GALNT13: variants seen among roughly 807,000 people sequenced by gnomAD.
GALNT13 encodes the protein UDP-GalNAc:polypeptide N-acetylgalactosaminyltransferase 13.
In GALNT13, 28 loss-of-function variants were observed where a neutral mutation model predicts 64.2. The ratio of observed to expected loss-of-function variants is 0.44; its 90% confidence interval spans 0.32 to 0.60. GALNT13 has a LOEUF of 0.60. Among genes scored for constraint, GALNT13 ranks in the 20% least tolerant of loss-of-function variants. The pLI is 0.05. For synonymous variants in GALNT13, 214 were observed against 224.6 expected, an observed-to-expected ratio of 0.95 and a Z score of 0.42; for missense variants, 577 against 669.8, an observed-to-expected ratio of 0.86 and a Z score of 1.53.
chr2:153,944,683 A>G (rs72865049), intron 3 of GALNT13, 44 bp downstream of exon 3: 122,329 of 1,516,744 alleles, frequency 0.081, 5,349 homozygotes, highest in Middle Eastern at 0.12. Context: ...GAGATGAGAA[A>G]AGTGGTGCCT....
At chr2:153,719,928 G>A in the GALNT13 span, among the ~76,000 whole-genome samples, 4 of 152,130 alleles carry the variant, frequency 2.6e-5, no homozygotes, top group African/African-American at 4.8e-5. Context: ...AAACAAAGCA[G>A]CCGGGAAGCT....
At chr2:154,292,700 T>A (rs1375920150) in intron 8 of GALNT13, among the ~76,000 whole-genome samples, 1 of 152,214 alleles carries the variant, frequency 6.6e-6, no homozygotes, top group Non-Finnish European at 1.5e-5. Context: ...TCAATAAGAC[T>A]ATATTAAAGG....
the GALNT13 span, among the ~76,000 whole-genome samples, chr2:153,815,176 A>G: frequency 6.6e-6 from 1 of 152,296 alleles, no homozygotes; most frequent in Admixed American, 6.5e-5. Flanking sequence ...TGGCTGATAT[A>G]TATCTTAAAG....
the GALNT13 span, among the ~76,000 whole-genome samples, chr2:153,722,557 C>T: frequency 6.7e-6 from 1 of 149,080 alleles, no homozygotes; most frequent in African/African-American, 2.5e-5. Flanking sequence ...TGATAGACCG[C>T]TAACAAGACT....
the GALNT13 span, among the ~76,000 whole-genome samples, chr2:153,693,241 C>T: frequency 1.3e-5 from 2 of 152,224 alleles, no homozygotes; most frequent in African/African-American, 2.4e-5. Flanking sequence ...TTGCAAGCCC[C>T]AATGGTAGAA....
chr2:153,764,277 C>G, the GALNT13 span, among the ~76,000 whole-genome samples: 1 of 152,170 alleles, frequency 6.6e-6, no homozygotes. Flanking sequence ...TGGCTCACAC[C>G]TGTAATCCCA....
At chr2:153,331,280 T>A in the GALNT13 span, among the ~76,000 whole-genome samples, 1 of 151,886 alleles carries the variant, frequency 6.6e-6, no homozygotes, top group East Asian at 1.9e-4. Context: ...AGTAATGCTC[T>A]AATAATTCTA....
intron 1 of GALNT13, among the ~76,000 whole-genome samples, chr2:153,893,989 T>C (rs940315783): frequency 3.3e-5 from 5 of 152,070 alleles, no homozygotes; most frequent in Non-Finnish European, 5.9e-5. Context: ...GTGTGTTTAC[T>C]GGGAATGGAG....
intron 11 of GALNT13, among the ~76,000 whole-genome samples, chr2:154,424,786 C>T (rs989501775): frequency 6.6e-6 from 1 of 152,156 alleles, no homozygotes; most frequent in African/African-American, 2.4e-5. Flanking sequence ...TCCCTACCAC[C>T]ATACTTGTCT....
At chr2:154,050,650 CAT>C (rs1357579355) in intron 3 of GALNT13, among the ~76,000 whole-genome samples, 1 of 152,026 alleles carries the variant, frequency 6.6e-6, no homozygotes, top group Non-Finnish European at 1.5e-5. Context: ...CATATTTTAA[CAT>C]ATTTAAGTAT....
At chr2:154,034,640 C>A (rs1698547076) in intron 3 of GALNT13, among the ~76,000 whole-genome samples, 1 of 152,164 alleles carries the variant, frequency 6.6e-6, no homozygotes, top group African/African-American at 2.4e-5. Flanking sequence ...ACTCTGTGTC[C>A]ATTTATTAAT....
chr2:153,315,010 C>A, the GALNT13 span, among the ~76,000 whole-genome samples: 1 of 151,846 alleles, frequency 6.6e-6, no homozygotes, highest in Admixed American at 6.6e-5. Context: ...AATATAAAGA[C>A]ACAGTTTAAT....
chr2:153,212,806 T>G, the GALNT13 span, among the ~76,000 whole-genome samples: 2 of 152,186 alleles, frequency 1.3e-5, no homozygotes, highest in East Asian at 3.9e-4. Context: ...GAAAATGGAT[T>G]TTATTCATTT....
chr2:153,547,986 A>T, the GALNT13 span, among the ~76,000 whole-genome samples: 2 of 152,332 alleles, frequency 1.3e-5, no homozygotes, highest in Admixed American at 1.3e-4. Flanking sequence ...CCTGAAATGT[A>T]GTTGACATCC....
intron 4 of GALNT13, among the ~76,000 whole-genome samples, chr2:154,167,178 A>G (rs967753165): frequency 2.0e-5 from 3 of 152,150 alleles, no homozygotes; most frequent in Admixed American, 6.5e-5. Context: ...AAATATTGTT[A>G]GGGCCTATCA....
At chr2:154,269,703 T>C (rs1691217237) in intron 8 of GALNT13, among the ~76,000 whole-genome samples, 1 of 151,408 alleles carries the variant, frequency 6.6e-6, no homozygotes, top group Non-Finnish European at 1.5e-5. Context: ...TATTGAAGAA[T>C]AGCTTGAAGT....
At chr2:153,270,537 T>G in the GALNT13 span, among the ~76,000 whole-genome samples, 26,392 of 152,154 alleles carry the variant, frequency 0.17, 2,473 homozygotes, top group Non-Finnish European at 0.21. Context: ...TTCTTTTGCT[T>G]TGGCTCCAAA....
the GALNT13 span, among the ~76,000 whole-genome samples, chr2:153,810,200 T>C: frequency 9.6e-4 from 146 of 152,268 alleles, 1 homozygote; most frequent in East Asian, 3.9e-3. Context: ...CCTGACCTCA[T>C]GATCCACCCA....
chr2:154,344,308 C>T (rs565024280), intron 9 of GALNT13, among the ~76,000 whole-genome samples: 69 of 98,692 alleles, frequency 7.0e-4, no homozygotes, highest in Non-Finnish European at 1.5e-3. Flanking sequence ...TCCAGCAAAC[C>T]ATTATGTTGT....
Sources: gnomAD v4.1 joint callset for allele counts (sites outside exome capture counted in the v4.1 genomes callset) on GRCh38, gnomAD v4.1.1 for gene constraint, MANE v1.5 for transcripts, NCBI Gene and HGNC (gene_info 2026-07-23, HGNC 2026-07-21) for gene names.